The following NOTCH4 variants were observed in gnomAD, a reference collection of about 807,000 sequenced individuals.
NOTCH4 encodes the protein neurogenic locus notch homolog protein 4.
Under a neutral mutation model 189.0 loss-of-function variants are expected in NOTCH4, and 138 were observed. That is an observed-to-expected ratio of 0.73 (90% CI 0.64 to 0.84). The LOEUF (loss-of-function observed/expected upper bound fraction) is 0.84, where lower values mean the gene tolerates loss of function less well. Among genes scored for constraint, NOTCH4 ranks in the 40% least tolerant of loss-of-function variants. The pLI, the probability that NOTCH4 is intolerant of heterozygous loss-of-function variation, is 0.00. For missense variants in NOTCH4, 2,286 were observed against 2,605.4 expected, an observed-to-expected ratio of 0.88 and a Z score of 2.67; for synonymous variants, 942 against 1,032.8, an observed-to-expected ratio of 0.91 and a Z score of 1.69.
chr6:32,223,124 T>C, intron 1 of NOTCH4, 38 bp from the exon 2 acceptor site: 1 of 1,515,626 alleles, frequency 6.6e-7, no homozygotes, highest in Non-Finnish European at 9.2e-7. Context: ...AAGCCCTGGG[T>C]GCTGTGCCTC....
rs2127486428 is a variant in NOTCH4 at position 32,220,165 on chromosome 6, G to A, written c.1279C>T (p.Pro427Ser). Residue 427 changes from proline (P) to serine (S), a missense_variant, in exon 7 of 30, where the codon CCC becomes TCC. Around this residue, in one of 2 missense-constraint regions of NOTCH4, gnomAD observed 1,903 missense variants for 2,261.9 expected, o/e 0.84. Coordinates refer to ENST00000375023, the MANE Select transcript of NOTCH4 (RefSeq NM_004557.4). ...LCLCQPGYSGPTCHQDLDECL... is the reference protein window; with the variant it reads ...LCLCQPGYSGSTCHQDLDECL... ...TCGTCCAGGTCCTGGTGGCAGGTGG[G>A]CCCCGAATAGCCAGGCTGACACAGG... The A allele has an allele frequency of 6.2e-7, 1 of 1,613,872 alleles. No homozygotes were observed. The highest frequency in any genetic ancestry group is 8.5e-7 in the Non-Finnish European group (1 of 1,179,978).
In NOTCH4 at chr6:32,198,669, C is replaced by T; in HGVS notation, c.4597G>A (p.Glu1533Lys). Reference sequence around the variant, plus strand: ...TTCACCTGGCCCACCTCCTCTCCCTCCTCAGGGCCTGAGCACATCACAACT... The same window carrying T: ...TTCACCTGGCCCACCTCCTCTCCCTTCTCAGGGCCTGAGCACATCACAACT... ...DGVVMCSGPE[E>K]GEEVGQAEET... The change falls in exon 25 of 30, where the codon GAG becomes AAG. Residue 1533 changes from glutamate to lysine, a missense_variant. Around this residue, in one of 2 missense-constraint regions of NOTCH4, gnomAD observed 1,903 missense variants for 2,261.9 expected, o/e 0.84. Transcript: ENST00000375023. The surrounding 1 kb of genome is among the most constrained non-coding windows in gnomAD (Gnocchi z 5.5). 6.2e-7 allele frequency: 1 copy of T among 1,612,674 alleles called. No homozygotes were observed. The highest frequency in any genetic ancestry group is 8.5e-7 in the Non-Finnish European group (1 of 1,179,810).
intron 15 of NOTCH4, 66 bp downstream of exon 15, chr6:32,213,069 G>C (rs1424970496): frequency 1.0e-5 from 13 of 1,292,936 alleles, no homozygotes; most frequent in Non-Finnish European, 1.5e-5. Flanking sequence ...CCCAGGGGGA[G>C]ATGAGAGGAG....
Position 32,196,089 on chromosome 6 carries a change from A to C in NOTCH4, c.5360T>G (p.Leu1787Arg), listed in dbSNP as rs2127459134. 1.9e-6 allele frequency: 3 copies of C among 1,593,086 alleles called. No homozygotes were observed. The highest frequency in any genetic ancestry group is 2.5e-6 in the Non-Finnish European group (3 of 1,176,882). The change falls in exon 30 of 30, where the codon CTG (leucine) becomes CGG (arginine). Residue 1787 changes from leucine (L) to arginine (R), a missense_variant. Leu to Arg is a moderately radical substitution (Grantham distance 102). Coordinates refer to ENST00000375023, the MANE Select transcript of NOTCH4 (RefSeq NM_004557.4). ...EGAVEVAQLL[L>R]GLGAARELRD... ...CAGCTCTCGGGCTGCCCCCAGCCCC[A>C]GCAGTAGCTGGGCTACTTCCACCGC...
rs45855 is a variant in NOTCH4, at chr6:32,221,704, T to A, written c.452-379A>T. ...TGGGTGAGCCACTTTGCCTTTCTGA[T>A]CCTCATTTCCTAATCTTTAAGTGGG... On this transcript the variant is annotated intron_variant, in intron 3 of 29. Coordinates refer to ENST00000375023, the MANE Select transcript of NOTCH4 (RefSeq NM_004557.4). The surrounding 1 kb of genome is among the most constrained non-coding windows in gnomAD (Gnocchi z 4.3). 0.29 allele frequency among the ~76,000 whole-genome samples: 43,721 copies of A among 151,908 alleles called. 6,790 individuals carry two copies. Among genetic ancestry groups the A allele is most frequent in the Middle Eastern group, 0.43 (125 of 294 alleles).
chr6:32,199,045 C>A lies in NOTCH4; in HGVS notation c.4416G>T (p.Arg1472=). ...LGALLVLQLI[R]RRRREHGALW... ...GAGCTCCATGCTCTCGGCGTCGACG[C>A]CGGATGAGCTGGAGGACGAGAAGAG... Residue 1472 remains arginine, a synonymous_variant, in exon 24 of 30, where the codon CGG becomes CGT. Coordinates refer to ENST00000375023, the MANE Select transcript of NOTCH4 (RefSeq NM_004557.4). This position sits in a 1 kb window ranked among gnomAD's most constrained non-coding sequence, Gnocchi z 4.9. 7 of 1,612,900 alleles carry A rather than the reference C, an allele frequency of 4.3e-6. No individual in the cohort carries two copies. Among genetic ancestry groups the A allele is most frequent in the Non-Finnish European group, 5.9e-6 (7 of 1,179,934 alleles).
rs151325272 is a variant in NOTCH4, at chr6:32,202,175, C to A, written c.3656G>T (p.Arg1219Leu). The change falls in exon 21 of 30, where the codon CGG becomes CTG. Residue 1219 changes from arginine to leucine, a missense_variant. Physicochemically the swap from Arg to Leu is moderately radical, Grantham distance 102 (BLOSUM62 -2). Transcript: ENST00000375023. This position sits in a 1 kb window ranked among gnomAD's most constrained non-coding sequence, Gnocchi z 5.7. ...CCCGTCCCGGAAGAGAAGCCAGCAC[C>A]GAGAGTGGGAGGGGCAGCCCTTCCA... ...DPWKGCPSHS[R>L]CWLLFRDGQC... is the part of the protein sequence containing the mutation. 4.5e-5 allele frequency: 69 copies of A among 1,525,158 alleles called. 1 individual carries two copies. In the Middle Eastern group the frequency reaches 8.9e-4, roughly 20 times the overall value. 94.5% of individuals were successfully genotyped at this position (1,525,158 alleles called of 1,614,324 possible).
chr6:32,215,816 T>TTCCCTTCTCTCCTTC (rs1333886497), intron 11 of NOTCH4: 1 of 103,316 alleles, frequency 9.7e-6, no homozygotes, highest in African/African-American at 4.8e-5. Flanking sequence ...TTCCTTCCTT[T>TTCCCTTCTCTCCTTC]CCTTCCCTTC....
rs1789627088 is a variant in NOTCH4, at chr6:32,219,681, G to A, written c.1421C>T (p.Ala474Val). 6.2e-7 allele frequency: 1 copy of A among 1,613,092 alleles called. No homozygotes were observed. The highest frequency in any genetic ancestry group is 8.5e-7 in the Non-Finnish European group (1 of 1,179,984). ...CTGGGAGAGGCACTCATTGTGATCA[G>A]CCTCACAACGGGAGCCTGTGTAGCC... ...PPGYTGSRCE[A>V]DHNECLSQPC... The change falls in exon 8 of 30, where the codon GCT (alanine) becomes GTT (valine). Residue 474 changes from alanine to valine, a missense_variant. Ala to Val is a moderately conservative substitution (Grantham distance 64). Coordinates refer to ENST00000375023, the MANE Select transcript of NOTCH4 (RefSeq NM_004557.4).
At position 32,198,663 on chromosome 6, in the gene NOTCH4, C is replaced by G. The variant is rs1387388799; in HGVS notation, c.4603G>C (p.Glu1535Gln). 1 of 1,612,634 alleles carries G rather than the reference C, an allele frequency of 6.2e-7. No individual in the cohort carries two copies. The highest frequency in any genetic ancestry group is 8.5e-7 in the Non-Finnish European group (1 of 1,179,790). The change falls in exon 25 of 30, where the codon GAG becomes CAG. Residue 1535 changes from glutamate to glutamine, a missense_variant. Physicochemically the swap from Glu to Gln is conservative, Grantham distance 29. This residue lies in a region of NOTCH4 where 1,903 missense variants were observed against 2,261.9 expected (regional missense o/e 0.84). Coordinates refer to ENST00000375023, the MANE Select transcript of NOTCH4 (RefSeq NM_004557.4). This position sits in a 1 kb window ranked among gnomAD's most constrained non-coding sequence, Gnocchi z 5.5. ...AGCCCTTTCACCTGGCCCACCTCCT[C>G]TCCCTCCTCAGGGCCTGAGCACATC... ...VVMCSGPEEG[E>Q]EVGQAEETGP... is the part of the protein sequence containing the mutation.
rs2127488969 is a variant in NOTCH4, at chr6:32,221,126, G to A, written c.651C>T (p.Ser217=). 1 of 1,613,112 alleles carries A rather than the reference G, an allele frequency of 6.2e-7. No individual in the cohort carries two copies. Among genetic ancestry groups the A allele is most frequent in the Non-Finnish European group, 8.5e-7 (1 of 1,180,024 alleles). ...KGTSCHNTLG[S]FQCLCPVGQE... is the part of the protein sequence containing the mutation. ...GCCCCACAGGGCAGAGGCACTGGAA[G>A]GAGCCCAGGGTGTTATGGCAGGAGG... The change falls in exon 4 of 30, where the codon TCC becomes TCT. Residue 217 remains serine, a synonymous_variant. Coordinates refer to ENST00000375023, the MANE Select transcript of NOTCH4 (RefSeq NM_004557.4). The surrounding 1 kb of genome is among the most constrained non-coding windows in gnomAD (Gnocchi z 4.3).
chr6:32,212,774 C>T lies in NOTCH4; in HGVS notation c.2526+50G>A. The stretch of plus-strand genomic sequence containing the variant: ...GGGACCAGGTGACCCTCCCTGGTTT[C>T]CCTCCCAGCCACTTCCCTCCTCAGC... On this transcript the variant is annotated intron_variant, in intron 16 of 29. Coordinates refer to ENST00000375023, the MANE Select transcript of NOTCH4 (RefSeq NM_004557.4). This position sits in a 1 kb window ranked among gnomAD's most constrained non-coding sequence, Gnocchi z 4.4. 6.8e-7 allele frequency: 1 copy of T among 1,468,210 alleles called. No homozygotes were observed. The highest frequency in any genetic ancestry group is 9.1e-7 in the Non-Finnish European group (1 of 1,099,426). 90.9% of individuals were successfully genotyped at this position (1,468,210 alleles called of 1,614,324 possible).
intron 18 of NOTCH4, among the ~76,000 whole-genome samples, chr6:32,204,861 C>G (rs1189280635): frequency 6.6e-6 from 1 of 152,156 alleles, no homozygotes; most frequent in Non-Finnish European, 1.5e-5. Context: ...ATATACATAA[C>G]CTAAAAATCC....
chr6:32,213,056 G>A, intron 15 of NOTCH4, 79 bp downstream of exon 15: 1 of 1,273,394 alleles, frequency 7.9e-7, no homozygotes, highest in Non-Finnish European at 1.1e-6. Flanking sequence ...AGGCAGCCTG[G>A]AACCCAGGGG....
In NOTCH4 at chr6:32,202,530, G is replaced by A. The variant is rs936734673; in HGVS notation, c.3301C>T (p.Leu1101=). ...CGFHHCHHGG[L]CLPSPKPGFP... is the part of the protein sequence containing the mutation. ...CCTGGCTTAGGGGAGGGCAGACACA[G>A]GCCTCCGTGGTGGCAGTGATGGAAG... The change falls in exon 21 of 30, where the codon CTG becomes TTG. Residue 1101 remains leucine, a synonymous_variant. Coordinates refer to ENST00000375023, the MANE Select transcript of NOTCH4 (RefSeq NM_004557.4). This position sits in a 1 kb window ranked among gnomAD's most constrained non-coding sequence, Gnocchi z 5.7. The A allele has an allele frequency of 6.2e-7, 1 of 1,609,668 alleles. No individual in the cohort carries two copies. Among genetic ancestry groups the A allele is most frequent in the Non-Finnish European group, 8.5e-7 (1 of 1,177,372 alleles).
rs1789192507 is a variant in NOTCH4, at chr6:32,213,843, G to A, written c.2168-3C>T. ...CATCTCCTCACTACAGGTGGGTCCT[G>A]AAGGAAACAGGTGGGGGCTGAGAAA... On this transcript the variant is annotated splice_region_variant and splice_polypyrimidine_tract_variant and intron_variant, in intron 13 of 29. Coordinates refer to ENST00000375023, the MANE Select transcript of NOTCH4 (RefSeq NM_004557.4). The A allele has an allele frequency of 6.2e-7, 1 of 1,611,720 alleles. No individual in the cohort carries two copies. Among genetic ancestry groups the A allele is most frequent in the African/African-American group, 1.3e-5 (1 of 74,974 alleles).
Position 32,196,924 on chromosome 6 carries a change from C to A in NOTCH4, c.5200+1G>T. 6.2e-7 allele frequency: 1 copy of A among 1,612,956 alleles called. No homozygotes were observed. Among genetic ancestry groups the A allele is most frequent in the Non-Finnish European group, 8.5e-7 (1 of 1,180,022 alleles). On this transcript the variant is annotated splice_donor_variant, in intron 28 of 29. Transcript: ENST00000375023. LOFTEE classifies it high-confidence loss of function. The stretch of plus-strand genomic sequence containing the variant: ...CATACATCACCCCTTCCTCTACATA[C>A]CCCATTTATCTCTGGCCCCCACGTC...
chr6:32,199,032 C>CT lies in NOTCH4; in HGVS notation c.4428dup (p.Glu1477ArgfsTer45), dbSNP rs761852610. On this transcript the variant is annotated frameshift_variant, in exon 24 of 30. Coordinates refer to ENST00000375023, the MANE Select transcript of NOTCH4 (RefSeq NM_004557.4). LOFTEE classifies it high-confidence loss of function. This position sits in a 1 kb window ranked among gnomAD's most constrained non-coding sequence, Gnocchi z 4.9. ...GGGGGCAGCCAGAGAGCTCCATGCT[C>CT]TCGGCGTCGACGCCGGATGAGCTGG... The CT allele has an allele frequency of 1.9e-6, 3 of 1,612,768 alleles. No homozygotes were observed. The highest frequency in any genetic ancestry group is 1.7e-6 in the Non-Finnish European group (2 of 1,179,954).
At chr6:32,218,432 A>G (rs1271710542) in intron 8 of NOTCH4, among the ~76,000 whole-genome samples, 1 of 152,182 alleles carries the variant, frequency 6.6e-6, no homozygotes, top group Non-Finnish European at 1.5e-5. Flanking sequence ...ACCTCAAGGT[A>G]CAAATAGGAA....
Sources: gnomAD v4.1 joint callset for allele counts (sites outside exome capture counted in the v4.1 genomes callset) on GRCh38, gnomAD v4.1.1 for gene constraint, gnomAD v4.1.1 regional missense constraint, Gnocchi (gnomAD v3.1) non-coding constraint, MANE v1.5 for transcripts, NCBI Gene and HGNC (gene_info 2026-07-23, HGNC 2026-07-21) for gene names.